CELF2: variants seen among roughly 807,000 people sequenced by gnomAD.
CELF2 encodes CUG triplet repeat RNA-binding protein 2.
In CELF2, 8 loss-of-function variants were observed where a neutral mutation model predicts 62.6. The ratio of observed to expected loss-of-function variants is 0.13; its 90% CI spans 0.07 to 0.23. The LOEUF is 0.23. Among genes scored for constraint, CELF2 ranks in the 10% least tolerant of loss-of-function variants. The probability of loss-of-function intolerance (pLI) is 1.00; values close to 1 mark genes in which losing one functional copy is unlikely to be tolerated. For synonymous variants in CELF2, 258 were observed against 250.0 expected, an observed-to-expected ratio of 1.03 and a Z score of -0.30; for missense variants, 333 against 671.0, an observed-to-expected ratio of 0.50 and a Z score of 5.56.
At chr10:10,631,542 A>G in the CELF2 span, among the ~76,000 whole-genome samples, 8 of 152,352 alleles carry the variant, frequency 5.3e-5, no homozygotes, top group East Asian at 1.5e-3. Flanking sequence ...AAAACTTGAC[A>G]GTAACACTAC....
At chr10:10,892,652 T>C (rs1344777625) in intron 1 of CELF2, among the ~76,000 whole-genome samples, 4 of 152,214 alleles carry the variant, frequency 2.6e-5, no homozygotes, top group Non-Finnish European at 4.4e-5. Flanking sequence ...AAGTTCCCAT[T>C]GTGATTTGAA....
chr10:10,945,961 T>C (rs1220564414), intron 2 of CELF2: 1 of 152,678 alleles, frequency 6.5e-6, no homozygotes, highest in Non-Finnish European at 1.5e-5. Flanking sequence ...GAGCAAGATT[T>C]ATACAAATTG....
At chr10:10,537,219 G>A in the CELF2 span, among the ~76,000 whole-genome samples, 6 of 152,148 alleles carry the variant, frequency 3.9e-5, no homozygotes, top group Non-Finnish European at 8.8e-5. Context: ...CCAAGAGCTC[G>A]TTGGCCATGC....
At position 11,090,189 on chromosome 10, in the gene CELF2, A is replaced by G. The variant is rs200697775; in HGVS notation, c.74+72026A>G. Among the ~76,000 whole-genome samples, 100 of 138,074 alleles carry G rather than the reference A, an allele frequency of 7.2e-4. 3 individuals carry two copies. The highest frequency in any genetic ancestry group is 2.3e-3 in the South Asian group (10 of 4,380). 90.6% of individuals were successfully genotyped at this position (138,074 alleles called of 152,430 possible). ...CCTGAATCTAAAATGAAATTTGGGGAAAAAAAAAAAAAAAGTAGGCCTAGG... is the reference window on the plus strand; with the variant it reads ...CCTGAATCTAAAATGAAATTTGGGGGAAAAAAAAAAAAAAGTAGGCCTAGG... On this transcript the variant is annotated intron_variant, in intron 1 of 12. Transcript: ENST00000633077.
At chr10:11,251,270 A>ATTTTTTTTTTTTTTTTT (rs66615560) in intron 4 of CELF2, among the ~76,000 whole-genome samples, 2 of 63,300 alleles carry the variant, frequency 3.2e-5, no homozygotes, top group Non-Finnish European at 2.6e-5. Flanking sequence ...ACACAAAGGG[A>ATTTTTTTTTTTTTTTTT]TTTTTTTTTT....
the CELF2 span, among the ~76,000 whole-genome samples, chr10:10,777,512 C>T: frequency 1.5e-4 from 23 of 152,150 alleles, no homozygotes; most frequent in African/African-American, 5.3e-4. Flanking sequence ...GTCCAGCCTT[C>T]GCGACATCTT....
At chr10:10,876,541 A>T (rs1412447011) in intron 1 of CELF2, among the ~76,000 whole-genome samples, 1 of 152,142 alleles carries the variant, frequency 6.6e-6, no homozygotes, top group African/African-American at 2.4e-5. Context: ...TTCTAATGAG[A>T]TGTAGCAAAC....
intron 1 of CELF2, among the ~76,000 whole-genome samples, chr10:11,060,442 TATTTTA>T (rs1462733836): frequency 2.6e-5 from 4 of 152,170 alleles, no homozygotes; most frequent in African/African-American, 9.7e-5. Context: ...GTATGTGAAA[TATTTTA>T]TATGGTGGAG....
chr10:10,781,010 C>A, the CELF2 span, among the ~76,000 whole-genome samples: 8 of 152,278 alleles, frequency 5.3e-5, no homozygotes, highest in East Asian at 1.2e-3. Flanking sequence ...CTTTTTGAGT[C>A]ATCACAGAAA....
intron 1 of CELF2, among the ~76,000 whole-genome samples, chr10:10,851,601 A>G (rs2059387357): frequency 6.6e-6 from 1 of 152,226 alleles, no homozygotes. Flanking sequence ...TTGAAACAAA[A>G]CATCAGACAA....
intron 3 of CELF2, among the ~76,000 whole-genome samples, chr10:11,245,411 C>T (rs932713342): frequency 1.3e-5 from 2 of 152,248 alleles, no homozygotes; most frequent in Non-Finnish European, 2.9e-5. Flanking sequence ...ACACCTTTCT[C>T]TAAGAAGGTC....
At chr10:10,628,739 C>T in the CELF2 span, among the ~76,000 whole-genome samples, 21 of 151,806 alleles carry the variant, frequency 1.4e-4, no homozygotes, top group African/African-American at 4.8e-4. Flanking sequence ...TGAATAGTGC[C>T]GCAATAAATG....
chr10:10,900,239 A>T (rs755250074), intron 1 of CELF2, among the ~76,000 whole-genome samples: 1 of 152,254 alleles, frequency 6.6e-6, no homozygotes, highest in Admixed American at 6.5e-5. Flanking sequence ...TGAGACAAGC[A>T]TCACCCTGTT....
chr10:10,905,052 A>G (rs2063227184), intron 1 of CELF2, among the ~76,000 whole-genome samples: 1 of 152,210 alleles, frequency 6.6e-6, no homozygotes, highest in Admixed American at 6.5e-5. Context: ...AGAGTTGGAC[A>G]GGCCTGGGTT....
chr10:10,530,729 A>G, the CELF2 span, among the ~76,000 whole-genome samples: 1 of 152,244 alleles, frequency 6.6e-6, no homozygotes, highest in Non-Finnish European at 1.5e-5. Flanking sequence ...GTGTTTAAAA[A>G]CAGTGAGTGC....
the CELF2 span, among the ~76,000 whole-genome samples, chr10:10,663,470 A>AT: frequency 6.6e-6 from 1 of 152,212 alleles, no homozygotes; most frequent in Admixed American, 6.5e-5. Flanking sequence ...TATGACATTG[A>AT]TTTTGGCTAT....
the CELF2 span, among the ~76,000 whole-genome samples, chr10:10,772,605 G>C: frequency 2.0e-5 from 3 of 152,220 alleles, no homozygotes; most frequent in Admixed American, 1.3e-4. Context: ...TGGGCTTGGT[G>C]CTATCACAGA....
chr10:11,138,749 T>C (rs2060833139), intron 1 of CELF2, among the ~76,000 whole-genome samples: 1 of 152,210 alleles, frequency 6.6e-6, no homozygotes, highest in Non-Finnish European at 1.5e-5. Flanking sequence ...CAGTAGGAAA[T>C]CATCTCTCGT....
chr10:10,727,373 G>T, the CELF2 span, among the ~76,000 whole-genome samples: 5 of 152,018 alleles, frequency 3.3e-5, no homozygotes, highest in Admixed American at 2.0e-4. Context: ...AATATTTCCC[G>T]CATCATTTCT....
Sources: allele counts gnomAD v4.1 joint callset (sites outside exome capture counted in the v4.1 genomes callset), GRCh38; gene constraint gnomAD v4.1.1; transcripts MANE v1.5; gene names NCBI Gene and HGNC (gene_info 2026-07-23, HGNC 2026-07-21).